Variants in ALMS1 observed in about 807,000 individuals in gnomAD.
The protein encoded by ALMS1 is ALMS1 centrosome and basal body associated protein.
A neutral mutation model predicts 352.2 loss-of-function variants in ALMS1; 271 were observed. The ratio of observed to expected loss-of-function variants is 0.77; its 90% CI spans 0.70 to 0.85. The LOEUF is 0.85. Ranked by LOEUF, ALMS1 falls within the 40% of genes least tolerant of loss-of-function variation. The pLI, the probability that ALMS1 is intolerant of heterozygous loss-of-function variation, is 0.00. For synonymous variants in ALMS1, 1,865 were observed against 1,761.2 expected (o/e 1.06, Z -1.48); for missense variants, 5,445 against 4,870.7 (o/e 1.12, Z -3.51).
chr2:73,607,961 G>A (rs1023236623), intron 21 of ALMS1, among the ~76,000 whole-genome samples: 16 of 151,750 alleles, frequency 1.1e-4, no homozygotes, highest in Admixed American at 9.2e-4. Flanking sequence ...TGCACCCAGC[G>A]CTCCTATCTA....
chr2:73,557,061 A>T (rs76703498), intron 13 of ALMS1, among the ~76,000 whole-genome samples, 159 bp from the exon 14 acceptor site: 1 of 152,128 alleles, frequency 6.6e-6, no homozygotes, highest in Non-Finnish European at 1.5e-5. Flanking sequence ...AAATTTTTCA[A>T]TTCATGTCAC....
chr2:73,543,894 A>C (rs376593853), intron 12 of ALMS1, among the ~76,000 whole-genome samples: 2 of 152,178 alleles, frequency 1.3e-5, no homozygotes, highest in Non-Finnish European at 2.9e-5. Context: ...TGGAGAAATA[A>C]GAACACTTTT....
At chr2:73,426,417 T>C (rs1460173695) in intron 5 of ALMS1, 36 bp from the exon 6 acceptor site, 1 of 1,604,148 alleles carries the variant, frequency 6.2e-7, no homozygotes, top group African/African-American at 1.3e-5. Context: ...AGTTTTACTA[T>C]ACATACAATT....
chr2:73,481,592 A>G (rs1409484416), intron 9 of ALMS1, among the ~76,000 whole-genome samples: 1 of 151,452 alleles, frequency 6.6e-6, no homozygotes, highest in African/African-American at 2.4e-5. Context: ...ACTTTAAAGT[A>G]GTTTTTTCCA....
chr2:73,430,436 C>T (rs924573221), intron 6 of ALMS1, among the ~76,000 whole-genome samples: 6 of 152,012 alleles, frequency 3.9e-5, no homozygotes, highest in Admixed American at 1.3e-4. Flanking sequence ...ATTTTTTTGA[C>T]GTCAAGCTTG....
intron 1 of ALMS1, among the ~76,000 whole-genome samples, chr2:73,397,939 T>G (rs1185773482): frequency 6.6e-6 from 1 of 152,244 alleles, no homozygotes; most frequent in African/African-American, 2.4e-5. Flanking sequence ...CTTTTTATTC[T>G]TTTGACAGTG....
At chr2:73,528,458 C>G (rs1673839854) in intron 11 of ALMS1, among the ~76,000 whole-genome samples, 2 of 152,154 alleles carry the variant, frequency 1.3e-5, no homozygotes, top group African/African-American at 2.4e-5. Context: ...CTGAATTGAC[C>G]TCTTTATCAT....
At chr2:73,512,473 C>T (rs1673473306) in intron 10 of ALMS1, among the ~76,000 whole-genome samples, 1 of 151,914 alleles carries the variant, frequency 6.6e-6, no homozygotes, top group African/African-American at 2.4e-5. Context: ...TTCTCTACTA[C>T]TGACAATGAA....
intron 7 of ALMS1, among the ~76,000 whole-genome samples, chr2:73,435,142 G>C (rs1183844799): frequency 6.6e-6 from 1 of 152,126 alleles, no homozygotes; most frequent in Non-Finnish European, 1.5e-5. Flanking sequence ...CAAAAATGAT[G>C]TATCTGCTGT....
intron 12 of ALMS1, among the ~76,000 whole-genome samples, chr2:73,546,310 C>T (rs189517496): frequency 7.9e-5 from 12 of 152,122 alleles, no homozygotes; most frequent in African/African-American, 2.9e-4. Flanking sequence ...TTATTGTTTC[C>T]TTCATACTTT....
At position 73,452,841 on chromosome 2, in the gene ALMS1, G is replaced by A. The variant is rs1671976766; in HGVS notation, c.6314G>A (p.Ser2105Asn). ...YFHREKSNIF[S>N]PQELPGSHVT... Reference sequence around the variant, plus strand: ...CACAGAGAGAAATCGAATATTTTCAGTCCACAGGAATTGCCAGGTAGTCAT... The same window carrying A: ...CACAGAGAGAAATCGAATATTTTCAATCCACAGGAATTGCCAGGTAGTCAT... The change falls in exon 8 of 23, where the codon AGT (serine) becomes AAT (asparagine). Residue 2105 changes from serine (S) to asparagine (N), a missense_variant. Coordinates refer to ENST00000613296, the MANE Select transcript of ALMS1 (RefSeq NM_001378454.1). 3 of 1,613,706 alleles carry A rather than the reference G, an allele frequency of 1.9e-6. No homozygotes were observed. Among genetic ancestry groups the A allele is most frequent in the Non-Finnish European group, 2.5e-6 (3 of 1,179,984 alleles).
At chr2:73,609,108 A>T (rs1374854511) in intron 22 of ALMS1, among the ~76,000 whole-genome samples, 2 of 152,204 alleles carry the variant, frequency 1.3e-5, no homozygotes, top group African/African-American at 4.8e-5. Context: ...ATTCTCTGAG[A>T]AACCAGACCG....
intron 10 of ALMS1, among the ~76,000 whole-genome samples, chr2:73,516,458 CAAAAT>C (rs543905268): frequency 4.9e-4 from 74 of 152,192 alleles, no homozygotes; most frequent in Admixed American, 3.9e-3. Flanking sequence ...ATACCCAAAA[CAAAAT>C]AAATCATTCT....
chr2:73,453,004 A>G lies in ALMS1; in HGVS notation c.6477A>G (p.Arg2159=). The G allele has an allele frequency of 6.2e-7, 1 of 1,612,936 alleles. No homozygotes were observed. Among genetic ancestry groups the G allele is most frequent in the Non-Finnish European group, 8.5e-7 (1 of 1,179,654 alleles). Residue 2159 remains arginine (R), a synonymous_variant, in exon 8 of 23, where the codon AGA becomes AGG. Transcript: ENST00000613296. ...TCTATCAAAAGGATTTGCCAGATAG[A>G]CATCTAACTGAAGATGCTCTAAAGA... ...DIFYQKDLPD[R]HLTEDALKIS... is the part of the protein sequence containing the mutation.
chr2:73,531,017 ACTCCCGTTAAGAT>A, intron 11 of ALMS1, among the ~76,000 whole-genome samples: 1 of 151,860 alleles, frequency 6.6e-6, no homozygotes, highest in East Asian at 1.9e-4. Context: ...GATGGAAGGG[ACTCCCGTTAAGAT>A]CTCTGACATG....
At chr2:73,447,404 T>C (rs1203870168) in intron 7 of ALMS1, among the ~76,000 whole-genome samples, 2 of 152,068 alleles carry the variant, frequency 1.3e-5, no homozygotes, top group South Asian at 2.1e-4. Flanking sequence ...TACTTAAATA[T>C]ATATATATTA....
chr2:73,448,804 A>G lies in ALMS1; in HGVS notation c.2277A>G (p.Val759=). 6.2e-7 allele frequency: 1 copy of G among 1,614,134 alleles called. No individual in the cohort carries two copies. The highest frequency in any genetic ancestry group is 8.5e-7 in the Non-Finnish European group (1 of 1,179,960). The part of the protein sequence containing the change: ...PADQKTEIPA[V]QSSSYSQREK... ...ACCAGAAGACTGAGATACCAGCAGTACAGTCTAGTTCTTACTCACAAAGAG... is the reference window on the plus strand; with the variant it reads ...ACCAGAAGACTGAGATACCAGCAGTGCAGTCTAGTTCTTACTCACAAAGAG... The change falls in exon 8 of 23, where the codon GTA becomes GTG. Residue 759 remains valine, a synonymous_variant. Coordinates refer to ENST00000613296, the MANE Select transcript of ALMS1 (RefSeq NM_001378454.1).
chr2:73,562,094 A>G (rs988179558), intron 15 of ALMS1, among the ~76,000 whole-genome samples: 3 of 152,200 alleles, frequency 2.0e-5, no homozygotes, highest in Non-Finnish European at 4.4e-5. Context: ...TTGCCTCTAA[A>G]GAAGATAATA....
intron 1 of ALMS1, among the ~76,000 whole-genome samples, chr2:73,402,109 T>G (rs547149920): frequency 6.6e-6 from 1 of 152,036 alleles, no homozygotes; most frequent in African/African-American, 2.4e-5. Flanking sequence ...GATGCTGTAG[T>G]TGTGTTCGTG....
Sources: gnomAD v4.1 joint callset for allele counts (sites outside exome capture counted in the v4.1 genomes callset) on GRCh38, gnomAD v4.1.1 for gene constraint, MANE v1.5 for transcripts, NCBI Gene and HGNC (gene_info 2026-07-23, HGNC 2026-07-21) for gene names.